UNC5C: variants seen among roughly 807,000 people sequenced by gnomAD.
UNC5C encodes netrin receptor UNC5C.
In UNC5C, 47 loss-of-function variants were observed where a neutral mutation model predicts 99.8. That is an observed-to-expected ratio of 0.47 (90% CI 0.37 to 0.60). The LOEUF (loss-of-function observed/expected upper bound fraction) is 0.60, where lower values mean the gene tolerates loss of function less well. UNC5C is among the 20% of genes least tolerant of loss of function. The probability of loss-of-function intolerance (pLI) is 0.00; values close to 1 mark genes in which losing one functional copy is unlikely to be tolerated. For synonymous variants in UNC5C, 487 were observed against 452.2 expected, an observed-to-expected ratio of 1.08 and a Z score of -0.98; for missense variants, 1,062 against 1,165.9, an observed-to-expected ratio of 0.91 and a Z score of 1.30.
chr4:95,420,801 C>T (rs1746297412), intron 1 of UNC5C, among the ~76,000 whole-genome samples: 1 of 152,030 alleles, frequency 6.6e-6, no homozygotes. Context: ...TATAAATAAT[C>T]CAGGTTACAT....
rs78383809 is a variant in UNC5C, at chr4:95,535,528, C to T, written c.124+13206G>A. 2.6e-3 allele frequency among the ~76,000 whole-genome samples: 395 copies of T among 152,214 alleles called. 3 individuals are homozygous for T. The highest frequency in any genetic ancestry group is 9.2e-3 in the African/African-American group (381 of 41,550). On this transcript the variant is annotated intron_variant, in intron 1 of 15. Coordinates refer to ENST00000453304, the MANE Select transcript of UNC5C (RefSeq NM_003728.4). Reference sequence around the variant, plus strand: ...ATTCTCAGTTCTTCACTTTTGATGACGCTGTTAATTACAATTCTATGATGT... The same window carrying T: ...ATTCTCAGTTCTTCACTTTTGATGATGCTGTTAATTACAATTCTATGATGT...
intron 1 of UNC5C, among the ~76,000 whole-genome samples, chr4:95,423,027 T>C (rs1746364901): frequency 6.6e-6 from 1 of 152,178 alleles, no homozygotes; most frequent in Admixed American, 6.5e-5. Flanking sequence ...TAAATATACA[T>C]AAAGTGGTGA....
In UNC5C at chr4:95,179,706, C is replaced by T. The variant is rs530482607; in HGVS notation, c.2451+3191G>A. 2.4e-4 allele frequency among the ~76,000 whole-genome samples: 35 copies of T among 144,006 alleles called. 1 individual carries two copies. The South Asian group carries it at 6.8e-3, about 28-fold the overall frequency. The allele number at this position is 144,006 out of a possible 152,430, so 94.5% of individuals were successfully genotyped here. A position where few individuals can be genotyped will look rare whatever the true frequency, so the allele number is the denominator to read the frequency against. ...AGGTTGCAGTGAGCTGAAGTCGTGC[C>T]ACTGCACTCCAGCCTGGGCCACAGA... On this transcript the variant is annotated intron_variant, in intron 14 of 15. Coordinates refer to ENST00000453304, the MANE Select transcript of UNC5C (RefSeq NM_003728.4).
intron 1 of UNC5C, among the ~76,000 whole-genome samples, chr4:95,489,718 A>G (rs1437395448): frequency 6.6e-6 from 1 of 151,704 alleles, no homozygotes. Flanking sequence ...CATGTTGATA[A>G]CTGGAGTACA....
At chr4:95,258,917 GCGCCCGGC>G (rs1449425737) in intron 4 of UNC5C, among the ~76,000 whole-genome samples, 9 of 149,650 alleles carry the variant, frequency 6.0e-5, no homozygotes, top group African/African-American at 2.2e-4. Context: ...GCCCGCCACT[GCGCCCGGC>G]TAATTTTTTG....
In UNC5C at chr4:95,398,180, A is replaced by T. The variant is rs568339162; in HGVS notation, c.125-62549T>A. On this transcript the variant is annotated intron_variant, in intron 1 of 15. Coordinates refer to ENST00000453304, the MANE Select transcript of UNC5C (RefSeq NM_003728.4). ...CACAGGATTCCATGCTTATCATCCAAACCACTTACCTGATTCATCAAAACT... is the reference window on the plus strand; with the variant it reads ...CACAGGATTCCATGCTTATCATCCATACCACTTACCTGATTCATCAAAACT... Among the ~76,000 whole-genome samples, 184 of 152,052 alleles carry T rather than the reference A, an allele frequency of 1.2e-3. 1 individual carries two copies. Among genetic ancestry groups the T allele is most frequent in the Non-Finnish European group, 2.4e-3 (160 of 67,984 alleles).
intron 1 of UNC5C, among the ~76,000 whole-genome samples, chr4:95,422,818 T>A (rs932298280): frequency 6.6e-6 from 1 of 152,184 alleles, no homozygotes; most frequent in African/African-American, 2.4e-5. Context: ...TTTATATGCG[T>A]ATTTGCACAC....
chr4:95,351,150 C>T (rs1743972997), intron 1 of UNC5C, among the ~76,000 whole-genome samples: 1 of 152,034 alleles, frequency 6.6e-6, no homozygotes, highest in African/African-American at 2.4e-5. Flanking sequence ...TGAAGGCCTC[C>T]CCACTCCTGG....
chr4:95,248,459 A>G (rs530268848), intron 5 of UNC5C: 47 of 443,170 alleles, frequency 1.1e-4, no homozygotes, highest in Non-Finnish European at 2.1e-4. Flanking sequence ...AATTATCTGG[A>G]TCGTAACTTC....
chr4:95,269,735 C>T (rs1484557381), intron 4 of UNC5C, among the ~76,000 whole-genome samples: 32 of 150,728 alleles, frequency 2.1e-4, no homozygotes, highest in Non-Finnish European at 2.5e-4. Flanking sequence ...TAAATGAGAC[C>T]GAGTTTCACT....
At chr4:95,227,009 AGGCAT>A (rs1738723994) in intron 7 of UNC5C, among the ~76,000 whole-genome samples, 2 of 152,138 alleles carry the variant, frequency 1.3e-5, no homozygotes, top group Admixed American at 6.6e-5. Context: ...AGGCAAGAAC[AGGCAT>A]GGCGTTCAGG....
chr4:95,416,967 T>A (rs924441603), intron 1 of UNC5C, among the ~76,000 whole-genome samples: 23 of 152,174 alleles, frequency 1.5e-4, no homozygotes, highest in Non-Finnish European at 2.6e-4. Context: ...GACAAGTCTG[T>A]AGTCTCATTT....
intron 10 of UNC5C, among the ~76,000 whole-genome samples, chr4:95,214,702 G>A (rs1488377042): frequency 1.3e-5 from 2 of 152,214 alleles, no homozygotes; most frequent in Non-Finnish European, 2.9e-5. Context: ...TAAAGCACAA[G>A]CCAATACTTA....
intron 12 of UNC5C, among the ~76,000 whole-genome samples, chr4:95,189,886 G>GT (rs1736999639): frequency 6.6e-6 from 1 of 152,198 alleles, no homozygotes; most frequent in Non-Finnish European, 1.5e-5. Flanking sequence ...CTTTTACACT[G>GT]TTGGTGGAAC....
At chr4:95,293,205 A>G (rs1741544482) in intron 3 of UNC5C, among the ~76,000 whole-genome samples, 1 of 152,034 alleles carries the variant, frequency 6.6e-6, no homozygotes, top group Admixed American at 6.6e-5. Context: ...GGAAACAAGG[A>G]AATGGATGTG....
intron 7 of UNC5C, among the ~76,000 whole-genome samples, chr4:95,228,950 A>C (rs1180932259): frequency 1.3e-5 from 2 of 152,172 alleles, no homozygotes; most frequent in Admixed American, 6.5e-5. Context: ...CTCTAATGTG[A>C]CTGGGGAGCC....
chr4:95,313,782 T>A (rs376104474), intron 2 of UNC5C, among the ~76,000 whole-genome samples: 50 of 152,298 alleles, frequency 3.3e-4, no homozygotes, highest in African/African-American at 1.0e-3. Flanking sequence ...TGTTTAAAAA[T>A]TCCACTCACC....
rs551064734 is a variant in UNC5C at position 95,393,339 on chromosome 4, C to T, written c.125-57708G>A. 5.9e-5 allele frequency among the ~76,000 whole-genome samples: 9 copies of T among 152,262 alleles called. No homozygotes were observed. In the South Asian group the frequency reaches 8.3e-4, roughly 14 times the overall value. On this transcript the variant is annotated intron_variant, in intron 1 of 15. Coordinates refer to ENST00000453304, the MANE Select transcript of UNC5C (RefSeq NM_003728.4). Reference sequence around the variant, plus strand: ...TTTGAATTTTCCAAGATGGAACTTTCGTGACCCAGTCATACTAGTTGATGG... The same window carrying T: ...TTTGAATTTTCCAAGATGGAACTTTTGTGACCCAGTCATACTAGTTGATGG...
chr4:95,176,596 C>T lies in UNC5C; in HGVS notation c.2452-6264G>A, dbSNP rs563716678. 4.4e-4 allele frequency among the ~76,000 whole-genome samples: 67 copies of T among 152,210 alleles called. No individual in the cohort carries two copies. In the South Asian group the frequency reaches 6.4e-3, roughly 15 times the overall value. ...GACCCACTTGAGGAGGCAGTCTGCC[C>T]GTTCTCAGATCTCCAGCTGCGTGCT... is the stretch of plus-strand genomic sequence containing the variant. On this transcript the variant is annotated intron_variant, in intron 14 of 15. Transcript: ENST00000453304.
Sources: gnomAD v4.1 joint callset for allele counts (sites outside exome capture counted in the v4.1 genomes callset) on GRCh38, gnomAD v4.1.1 for gene constraint, MANE v1.5 for transcripts, NCBI Gene and HGNC (gene_info 2026-07-23, HGNC 2026-07-21) for gene names.